IFT88: variants seen among roughly 807,000 people sequenced by gnomAD.
IFT88 encodes intraflagellar transport 88, also known as intraflagellar transport protein 88 homolog.
IFT88 carries 74 observed loss-of-function variants against 119.5 expected under a neutral mutation model. That is an observed-to-expected ratio of 0.62 (90% CI 0.51 to 0.75). IFT88 has a LOEUF of 0.75. Ranked by LOEUF, IFT88 falls within the 30% of genes least tolerant of loss-of-function variation. The probability of loss-of-function intolerance (pLI) is 0.00; values close to 1 mark genes in which losing one functional copy is unlikely to be tolerated. For missense variants in IFT88, 961 were observed against 977.7 expected (o/e 0.98, Z 0.23); for synonymous variants, 279 against 316.7 (o/e 0.88, Z 1.26).
intron 19 of IFT88, among the ~76,000 whole-genome samples, chr13:20,644,493 C>A (rs1351088693): frequency 6.6e-6 from 1 of 151,988 alleles, no homozygotes; most frequent in Admixed American, 6.6e-5. Context: ...CAGAGCGAGA[C>A]TGTCTTAAAA....
intron 13 of IFT88, among the ~76,000 whole-genome samples, chr13:20,609,476 G>A (rs201851938): frequency 1.3e-5 from 2 of 152,148 alleles, no homozygotes; most frequent in East Asian, 3.9e-4. Flanking sequence ...TCAGTTTAGG[G>A]CTGGGTGCGG....
At chr13:20,583,998 T>G (rs1422708710) in intron 3 of IFT88, among the ~76,000 whole-genome samples, 1 of 152,218 alleles carries the variant, frequency 6.6e-6, no homozygotes, top group Non-Finnish European at 1.5e-5. Context: ...TGTCTGCCTT[T>G]ATGCCAGTAA....
At chr13:20,606,407 C>T (rs2043462157) in intron 13 of IFT88, among the ~76,000 whole-genome samples, 1 of 152,168 alleles carries the variant, frequency 6.6e-6, no homozygotes, top group African/African-American at 2.4e-5. Context: ...TACAAGGACC[C>T]CTCTGCCTAT....
rs2045533767 is a variant in IFT88, at chr13:20,615,915, G to GT, written c.1199+43dup. ...AAGTCTATAATACTGCATAGATGTG[G>GT]TTTTTTTCATAATTTATACTTTTAA... is the stretch of plus-strand genomic sequence containing the variant. On this transcript the variant is annotated intron_variant, in intron 14 of 25. Coordinates refer to ENST00000351808, the MANE Select transcript of IFT88 (RefSeq NM_006531.5). 4 of 1,185,658 alleles carry GT rather than the reference G, an allele frequency of 3.4e-6. No individual in the cohort carries two copies. The South Asian group carries it at 4.7e-5, about 14-fold the overall frequency. 73.4% of individuals were successfully genotyped at this position (1,185,658 alleles called of 1,614,324 possible). A position where few individuals can be genotyped will look rare whatever the true frequency, so the allele number is the denominator to read the frequency against.
At chr13:20,612,438 A>T (rs1474420443) in intron 13 of IFT88, 1 of 152,220 alleles carries the variant, frequency 6.6e-6, no homozygotes, top group Non-Finnish European at 1.5e-5. Flanking sequence ...AATAAATTTA[A>T]TGAAAGAAAT....
At chr13:20,569,701 A>G (rs967455337) in intron 1 of IFT88, among the ~76,000 whole-genome samples, 1 of 151,816 alleles carries the variant, frequency 6.6e-6, no homozygotes, top group Non-Finnish European at 1.5e-5. Context: ...GAATATATAC[A>G]GGATCCTTAT....
At chr13:20,588,589 A>G (rs2040132942) in intron 3 of IFT88, among the ~76,000 whole-genome samples, 1 of 152,244 alleles carries the variant, frequency 6.6e-6, no homozygotes, top group South Asian at 2.1e-4. Flanking sequence ...AAACTAAAAT[A>G]AATAAATTCT....
At chr13:20,687,089 A>G (rs1325545822) in intron 24 of IFT88, among the ~76,000 whole-genome samples, 1 of 151,966 alleles carries the variant, frequency 6.6e-6, no homozygotes, top group African/African-American at 2.4e-5. Context: ...AATGTTACAA[A>G]TAGGTCATCT....
intron 24 of IFT88, among the ~76,000 whole-genome samples, chr13:20,686,167 T>C (rs2057896012): frequency 6.6e-6 from 1 of 152,206 alleles, no homozygotes; most frequent in South Asian, 2.1e-4. Flanking sequence ...TCCATAGACT[T>C]GGATCACTTA....
At chr13:20,574,608 T>C (rs2137976446) in intron 2 of IFT88, 133 bp downstream of exon 2, 1 of 474,270 alleles carries the variant, frequency 2.1e-6, no homozygotes, top group Non-Finnish European at 3.8e-6. Flanking sequence ...AAAGTGCTAT[T>C]ACAGAAGACT....
chr13:20,627,027 T>C (rs2442445), intron 15 of IFT88, among the ~76,000 whole-genome samples: 139,969 of 152,228 alleles, frequency 0.92, 64,441 homozygotes, highest in East Asian at 1. Flanking sequence ...GGGGAGAACA[T>C]TATCTACTAA....
Position 20,602,604 on chromosome 13 carries a change from G to T in IFT88, c.1041+671G>T, listed in dbSNP as rs1341699487. ...GTGTATAAATATCTCAAGAGCGAAG[G>T]CTGGGCGCAGTGGCTCACACCTGTA... On this transcript the variant is annotated intron_variant, in intron 12 of 25. Transcript: ENST00000351808. Among the ~76,000 whole-genome samples, 3 of 152,172 alleles carry T rather than the reference G, an allele frequency of 2.0e-5. No individual in the cohort carries two copies. In the East Asian group the frequency reaches 5.8e-4, roughly 29 times the overall value.
intron 24 of IFT88, among the ~76,000 whole-genome samples, chr13:20,690,396 A>G (rs934139523): frequency 6.6e-6 from 1 of 152,240 alleles, no homozygotes; most frequent in African/African-American, 2.4e-5. Context: ...TATTTGGGCA[A>G]TTATAAGAGT....
chr13:20,582,802 T>G (rs1245870479), intron 2 of IFT88, among the ~76,000 whole-genome samples, 155 bp from the exon 3 acceptor site: 1 of 152,168 alleles, frequency 6.6e-6, no homozygotes, highest in Non-Finnish European at 1.5e-5. Flanking sequence ...TTCTGGGTAG[T>G]GTGAAGTGGG....
intron 9 of IFT88, among the ~76,000 whole-genome samples, chr13:20,597,556 A>G (rs1015033319): frequency 6.6e-6 from 1 of 152,086 alleles, no homozygotes; most frequent in Non-Finnish European, 1.5e-5. Flanking sequence ...CATCCTGGCT[A>G]ACATGGTGAA....
intron 2 of IFT88, among the ~76,000 whole-genome samples, chr13:20,581,815 T>C (rs532388206): frequency 3.1e-4 from 45 of 147,406 alleles, no homozygotes; most frequent in African/African-American, 9.6e-4. Flanking sequence ...ATCGCACCAC[T>C]GTACTCCAGC....
intron 20 of IFT88, among the ~76,000 whole-genome samples, chr13:20,649,627 G>A (rs1201002703): frequency 2.6e-5 from 4 of 151,940 alleles, no homozygotes; most frequent in African/African-American, 9.7e-5. Flanking sequence ...GATAGCAGCA[G>A]GAAGGAAATA....
In IFT88 at chr13:20,681,507, G is replaced by A. The variant is rs548917616; in HGVS notation, c.2243-9198G>A. 2.0e-5 allele frequency among the ~76,000 whole-genome samples: 3 copies of A among 152,362 alleles called. 1 individual carries two copies. In the South Asian group the frequency reaches 6.2e-4, roughly 32 times the overall value. On this transcript the variant is annotated intron_variant, in intron 24 of 25. Transcript: ENST00000351808. ...CAGGTAATGCTGTATCTGCGTTTGA[G>A]ACCAGAGGCATTAACATGGGTTAAA...
At chr13:20,577,338 G>A (rs1352296203) in intron 2 of IFT88, among the ~76,000 whole-genome samples, 1 of 151,910 alleles carries the variant, frequency 6.6e-6, no homozygotes, top group Non-Finnish European at 1.5e-5. Context: ...TTTCTGGTTT[G>A]GATGCCCTTT....
Sources: allele counts gnomAD v4.1 joint callset (sites outside exome capture counted in the v4.1 genomes callset), GRCh38; gene constraint gnomAD v4.1.1; transcripts MANE v1.5; gene names NCBI Gene and HGNC (gene_info 2026-07-23, HGNC 2026-07-21).